LDLRAD3: variants seen among roughly 807,000 people sequenced by gnomAD.
The protein encoded by LDLRAD3 is low-density lipoprotein receptor class A domain-containing protein 3.
Under a neutral mutation model 29.4 loss-of-function variants are expected in LDLRAD3, and 20 were observed. The ratio of observed to expected loss-of-function variants is 0.68; its 90% CI spans 0.48 to 0.99. The LOEUF is 0.99. Ranked by LOEUF, LDLRAD3 falls within the 50% of genes least tolerant of loss-of-function variation. The pLI is 0.00. For missense variants in LDLRAD3, 420 were observed against 454.3 expected (o/e 0.92, Z 0.69); for synonymous variants, 157 against 192.7 (o/e 0.81, Z 1.53).
At chr11:36,079,451 T>C (rs562554044) in intron 2 of LDLRAD3, among the ~76,000 whole-genome samples, 1 of 152,328 alleles carries the variant, frequency 6.6e-6, no homozygotes, top group African/African-American at 2.4e-5. Flanking sequence ...CTATGCTCTA[T>C]ACTGTTTTGT....
chr11:36,178,661 C>T (rs2133355189), intron 4 of LDLRAD3, among the ~76,000 whole-genome samples: 1 of 152,324 alleles, frequency 6.6e-6, no homozygotes, highest in South Asian at 2.1e-4. Context: ...CTTCCACTGA[C>T]CAGCGCTAAT....
At chr11:35,995,743 C>T (rs2133172079) in intron 1 of LDLRAD3, among the ~76,000 whole-genome samples, 1 of 152,354 alleles carries the variant, frequency 6.6e-6, no homozygotes, top group South Asian at 2.1e-4. Context: ...TTTTGGATAA[C>T]TTGCTGCAGC....
intron 4 of LDLRAD3, among the ~76,000 whole-genome samples, chr11:36,161,937 A>G (rs980943132): frequency 8.5e-5 from 13 of 152,220 alleles, no homozygotes; most frequent in African/African-American, 2.7e-4. Flanking sequence ...GTTAACATCT[A>G]TCGAGAGTTG....
chr11:36,185,198 G>A (rs1854828702), intron 4 of LDLRAD3, among the ~76,000 whole-genome samples: 1 of 152,112 alleles, frequency 6.6e-6, no homozygotes, highest in African/African-American at 2.4e-5. Flanking sequence ...CTGTCCTCTG[G>A]CCTGTAGTTG....
At chr11:36,036,306 A>T in intron 2 of LDLRAD3, 57 bp downstream of exon 2, 1 of 1,605,474 alleles carries the variant, frequency 6.2e-7, no homozygotes, top group Admixed American at 1.7e-5. Flanking sequence ...GGCAGAGGGG[A>T]GCAGGTCCTG....
chr11:36,033,456 A>T (rs879302365), intron 1 of LDLRAD3, among the ~76,000 whole-genome samples: 1 of 152,204 alleles, frequency 6.6e-6, no homozygotes, highest in Non-Finnish European at 1.5e-5. Flanking sequence ...AGTACTTTGG[A>T]ATCTAATCTG....
At chr11:36,009,728 TC>T (rs746221900) in intron 1 of LDLRAD3, among the ~76,000 whole-genome samples, 11 of 152,228 alleles carry the variant, frequency 7.2e-5, no homozygotes, top group Non-Finnish European at 1.5e-4. Flanking sequence ...ATTCTATGAG[TC>T]ACTTCATTTC....
chr11:36,035,221 A>G (rs929104709), intron 1 of LDLRAD3, among the ~76,000 whole-genome samples: 20 of 148,152 alleles, frequency 1.3e-4, no homozygotes, highest in African/African-American at 5.0e-5. Flanking sequence ...TTTTACTCAC[A>G]TGGCTCCTTA....
In LDLRAD3 at chr11:36,230,561, C is replaced by T. The variant is rs913383730; in HGVS notation, c.*1164C>T. 6.6e-6 allele frequency: 1 copy of T among 152,548 alleles called. No individual in the cohort carries two copies. The highest frequency in any genetic ancestry group is 2.4e-5 in the African/African-American group (1 of 41,332). 9.4% of individuals were successfully genotyped at this position (152,548 alleles called of 1,614,324 possible). A position where few individuals can be genotyped will look rare whatever the true frequency, so the allele number is the denominator to read the frequency against. On this transcript the variant is annotated 3_prime_UTR_variant, in exon 6 of 6. Coordinates refer to ENST00000315571, the MANE Select transcript of LDLRAD3 (RefSeq NM_174902.4). ...GAGTTAGGGTCAGGGTCAGGCCTCT[C>T]CCAACATCCCAGTAGTTTCTCCTCT...
intron 2 of LDLRAD3, among the ~76,000 whole-genome samples, chr11:36,079,027 C>T (rs1420234363): frequency 6.6e-6 from 1 of 152,132 alleles, no homozygotes; most frequent in Non-Finnish European, 1.5e-5. Context: ...TCCTACCAGG[C>T]CGTGTGAGGG....
chr11:36,215,102 G>C (rs956687429), intron 4 of LDLRAD3, among the ~76,000 whole-genome samples: 1 of 152,198 alleles, frequency 6.6e-6, no homozygotes, highest in Non-Finnish European at 1.5e-5. Context: ...AATTGTGAGT[G>C]ATGCGGATGC....
At chr11:36,041,888 G>A (rs1253388738) in intron 2 of LDLRAD3, among the ~76,000 whole-genome samples, 1 of 152,162 alleles carries the variant, frequency 6.6e-6, no homozygotes, top group Non-Finnish European at 1.5e-5. Context: ...TGAGGGGGGT[G>A]TGGAGGAGGG....
intron 2 of LDLRAD3, among the ~76,000 whole-genome samples, chr11:36,039,275 T>C (rs1028000946): frequency 6.6e-6 from 1 of 152,152 alleles, no homozygotes; most frequent in Non-Finnish European, 1.5e-5. Context: ...GGCCTAAAAT[T>C]TCTTATATAT....
chr11:36,129,449 G>T (rs1012925227), intron 4 of LDLRAD3, among the ~76,000 whole-genome samples: 1 of 152,118 alleles, frequency 6.6e-6, no homozygotes, highest in Non-Finnish European at 1.5e-5. Context: ...AAAGTTGAAC[G>T]AGGAACTAGG....
intron 4 of LDLRAD3, among the ~76,000 whole-genome samples, chr11:36,130,158 T>C (rs989324202): frequency 1.2e-4 from 19 of 152,250 alleles, no homozygotes; most frequent in African/African-American, 4.3e-4. Context: ...ATTTCAAGTG[T>C]GATGATTCGT....
chr11:36,103,022 A>C (rs888528580), intron 4 of LDLRAD3, among the ~76,000 whole-genome samples: 1 of 152,086 alleles, frequency 6.6e-6, no homozygotes, highest in African/African-American at 2.4e-5. Context: ...ACCGTTTGTA[A>C]GTATACAGTT....
chr11:36,132,794 C>T (rs761034741), intron 4 of LDLRAD3, among the ~76,000 whole-genome samples: 9 of 152,296 alleles, frequency 5.9e-5, no homozygotes, highest in South Asian at 4.1e-4. Context: ...CTTGTTTTAA[C>T]GCACTCATAA....
intron 1 of LDLRAD3, among the ~76,000 whole-genome samples, chr11:36,033,288 T>C (rs1852262270): frequency 6.6e-6 from 1 of 152,214 alleles, no homozygotes; most frequent in South Asian, 2.1e-4. Context: ...TCTGTTATTG[T>C]TCACCAGGCC....
chr11:36,045,850 G>A (rs1479293338), intron 2 of LDLRAD3, among the ~76,000 whole-genome samples: 1 of 151,992 alleles, frequency 6.6e-6, no homozygotes, highest in African/African-American at 2.4e-5. Flanking sequence ...AGAAAGTGCA[G>A]GTGTGTTACA....
Sources: allele counts gnomAD v4.1 joint callset (sites outside exome capture counted in the v4.1 genomes callset), GRCh38; gene constraint gnomAD v4.1.1; transcripts MANE v1.5; gene names NCBI Gene and HGNC (gene_info 2026-07-23, HGNC 2026-07-21).